VWA3A: variants seen among roughly 807,000 people sequenced by gnomAD.
The protein encoded by VWA3A is von Willebrand factor A domain containing 3A.
A neutral mutation model predicts 160.4 loss-of-function variants in VWA3A; 134 were observed. That is an observed-to-expected ratio of 0.84 (90% confidence interval 0.73 to 0.96). The LOEUF is 0.96. Among genes scored for constraint, VWA3A ranks in the 40% least tolerant of loss-of-function variants. The probability of loss-of-function intolerance (pLI) is 0.00; values close to 1 mark genes in which losing one functional copy is unlikely to be tolerated. For synonymous variants in VWA3A, 476 were observed against 543.4 expected (o/e 0.88, Z 1.72); for missense variants, 1,310 against 1,447.9 (o/e 0.90, Z 1.55).
At chr16:22,131,821 A>G in intron 19 of VWA3A, 92 bp downstream of exon 19, 3 of 1,478,322 alleles carry the variant, frequency 2.0e-6, no homozygotes, top group Non-Finnish European at 2.7e-6. Context: ...CTGCAGCATG[A>G]TTTCTAAACC....
Position 22,152,569 on chromosome 16 carries a change from C to G in VWA3A, c.3340C>G (p.Pro1114Ala). 1.2e-6 allele frequency: 2 copies of G among 1,612,388 alleles called. No homozygotes were observed. Among genetic ancestry groups the G allele is most frequent in the Non-Finnish European group, 1.7e-6 (2 of 1,179,228 alleles). ...ASFTGGRYHC[P>A]VGEDTLSKIH... is the part of the protein sequence containing the mutation. ...CTTCACCGGCGGACGCTATCACTGC[C>G]CTGTGGGTGAGGACACACTCTCCAA... Residue 1114 changes from proline to alanine, a missense_variant, in exon 31 of 34, where the codon CCT (proline) becomes GCT (alanine). Physicochemically the swap from Pro to Ala is conservative, Grantham distance 27 (BLOSUM62 -1). Transcript: ENST00000389398.
intron 9 of VWA3A, 135 bp downstream of exon 9, chr16:22,115,607 G>A: frequency 9.9e-7 from 1 of 1,012,944 alleles, no homozygotes. Context: ...CGAGACAGGA[G>A]GATTGCTCGA....
At chr16:22,141,129 A>G (rs11862108) in intron 23 of VWA3A, 38,754 of 453,614 alleles carry the variant, frequency 0.085, 3,871 homozygotes, top group African/African-American at 0.34. Context: ...TAGTGGTAAC[A>G]GGCCTTCACA....
At chr16:22,134,252 C>G in intron 20 of VWA3A, 116 bp from the exon 21 acceptor site, 1 of 777,198 alleles carries the variant, frequency 1.3e-6, no homozygotes, top group East Asian at 2.8e-5. Flanking sequence ...CAGGAGTAAG[C>G]CACCATTCCC....
intron 13 of VWA3A, 106 bp from the exon 14 acceptor site, chr16:22,121,408 C>A: frequency 1.1e-6 from 1 of 931,872 alleles, no homozygotes. Context: ...TGTGCCACTG[C>A]ACTCTAGCCT....
chr16:22,150,744 G>A lies in VWA3A; in HGVS notation c.3179G>A (p.Gly1060Glu), dbSNP rs764543039. 1.2e-6 allele frequency: 2 copies of A among 1,612,526 alleles called. No individual in the cohort carries two copies. The highest frequency in any genetic ancestry group is 1.7e-5 in the Admixed American group (1 of 59,758). Reference sequence around the variant, plus strand: ...GAAGGATTGTACCTCCTGACCGACGGAAAGCCAGACACAAGCTGCAGCCTT... The same window carrying A: ...GAAGGATTGTACCTCCTGACCGACGAAAAGCCAGACACAAGCTGCAGCCTT... ...DLEGLYLLTDGKPDTSCSLVL... is the reference protein window; with the variant it reads ...DLEGLYLLTDEKPDTSCSLVL... The change falls in exon 30 of 34, where the codon GGA becomes GAA. Residue 1060 changes from glycine (G) to glutamate (E), a missense_variant. Gly to Glu is a moderately conservative substitution (Grantham distance 98). Coordinates refer to ENST00000389398, the MANE Select transcript of VWA3A (RefSeq NM_173615.5).
At chr16:22,116,061 G>A (rs2045636445) in intron 9 of VWA3A, among the ~76,000 whole-genome samples, 1 of 150,650 alleles carries the variant, frequency 6.6e-6, no homozygotes, top group Admixed American at 6.6e-5. Flanking sequence ...ACATACATGA[G>A]GGAGGGATGG....
At chr16:22,096,050 T>G (rs189987061) in intron 1 of VWA3A, among the ~76,000 whole-genome samples, 183 of 152,274 alleles carry the variant, frequency 1.2e-3, no homozygotes, top group African/African-American at 4.3e-3. Flanking sequence ...TTAAGCAATG[T>G]CTAGAGACAT....
At chr16:22,101,985 G>A (rs548898333) in intron 5 of VWA3A, among the ~76,000 whole-genome samples, 41 of 152,158 alleles carry the variant, frequency 2.7e-4, no homozygotes, top group Admixed American at 4.6e-4. Context: ...GCTCAGAAAG[G>A]TTACCACACC....
intron 30 of VWA3A, 36 bp from the exon 31 acceptor site, chr16:22,152,475 C>A (rs2046366258): frequency 6.2e-7 from 1 of 1,608,172 alleles, no homozygotes; most frequent in South Asian, 1.1e-5. Context: ...CCTGGTCAGT[C>A]AGCCTTCCCA....
intron 6 of VWA3A, among the ~76,000 whole-genome samples, chr16:22,104,271 T>C (rs892253683): frequency 6.6e-6 from 1 of 152,114 alleles, no homozygotes; most frequent in African/African-American, 2.4e-5. Context: ...GTGGATCACC[T>C]GAGGTTGGGA....
At position 22,121,602 on chromosome 16, in the gene VWA3A, A is replaced by C; in HGVS notation, c.1341A>C (p.Ser447=). 6.2e-7 allele frequency: 1 copy of C among 1,612,406 alleles called. No individual in the cohort carries two copies. Among genetic ancestry groups the C allele is most frequent in the Non-Finnish European group, 8.5e-7 (1 of 1,178,574 alleles). ...EFVPILQKTV[S]STIHEKAMIQ... ...TACCTATTCTCCAGAAAACAGTATCATCGACCATCCATGAGGTAATTCAGA... is the reference window on the plus strand; with the variant it reads ...TACCTATTCTCCAGAAAACAGTATCCTCGACCATCCATGAGGTAATTCAGA... The change falls in exon 14 of 34, where the codon TCA becomes TCC. Residue 447 remains serine, a synonymous_variant. Coordinates refer to ENST00000389398, the MANE Select transcript of VWA3A (RefSeq NM_173615.5).
Position 22,138,528 on chromosome 16 carries a change from T to C in VWA3A, c.2292+16T>C. On this transcript the variant is annotated intron_variant, in intron 22 of 33. Coordinates refer to ENST00000389398, the MANE Select transcript of VWA3A (RefSeq NM_173615.5). ...GGCCAGAATGGTTTGACTCCCCTCC[T>C]AATAACACGCAGAAGATTTGGTTTC... The C allele has an allele frequency of 6.2e-7, 1 of 1,613,274 alleles. No individual in the cohort carries two copies. The highest frequency in any genetic ancestry group is 8.5e-7 in the Non-Finnish European group (1 of 1,179,684).
intron 3 of VWA3A, among the ~76,000 whole-genome samples, chr16:22,098,712 C>A (rs1202494928): frequency 6.6e-6 from 1 of 152,022 alleles, no homozygotes; most frequent in South Asian, 2.1e-4. Context: ...ATGAATAATA[C>A]AAAATCTGTG....
intron 8 of VWA3A, 138 bp downstream of exon 8, chr16:22,111,132 G>A: frequency 1.4e-6 from 1 of 705,140 alleles, no homozygotes; most frequent in Non-Finnish European, 2.2e-6. Context: ...ACTCACAAAA[G>A]CAGAAACAAT....
intron 23 of VWA3A, chr16:22,141,061 G>A (rs1023525556): frequency 2.7e-6 from 1 of 374,566 alleles, no homozygotes; most frequent in Admixed American, 3.2e-5. Context: ...TATTCTATCA[G>A]CTTCCTATTG....
intron 8 of VWA3A, among the ~76,000 whole-genome samples, chr16:22,112,567 A>T (rs548807908): frequency 6.6e-6 from 1 of 152,190 alleles, no homozygotes; most frequent in Admixed American, 6.5e-5. Flanking sequence ...AAAAATTTAA[A>T]AATTAGCCCA....
intron 7 of VWA3A, among the ~76,000 whole-genome samples, chr16:22,110,672 T>G (rs1327409058): frequency 1.3e-5 from 2 of 152,140 alleles, no homozygotes; most frequent in Non-Finnish European, 2.9e-5. Context: ...AATAGCACAT[T>G]CTGAGATGGC....
At chr16:22,126,357 T>C in intron 17 of VWA3A, 60 bp downstream of exon 17, 1 of 1,580,548 alleles carries the variant, frequency 6.3e-7, no homozygotes, top group Non-Finnish European at 8.6e-7. Flanking sequence ...ATGCCGTCAT[T>C]GGGCTGAGGC....
Sources: allele counts gnomAD v4.1 joint callset (sites outside exome capture counted in the v4.1 genomes callset), GRCh38; gene constraint gnomAD v4.1.1; transcripts MANE v1.5; gene names NCBI Gene and HGNC (gene_info 2026-07-23, HGNC 2026-07-21).